OR1J2: variants seen among roughly 807,000 people sequenced by gnomAD.
OR1J2 encodes olfactory receptor 1J2.
For missense variants in OR1J2, 304 were observed against 246.1 expected (o/e 1.24, Z -1.57); for synonymous variants, 142 against 99.7 (o/e 1.42, Z -2.52).
the OR1J2 span, among the ~76,000 whole-genome samples, chr9:122,542,260 C>T: frequency 6.6e-6 from 1 of 152,046 alleles, no homozygotes; most frequent in African/African-American, 2.4e-5. Context: ...GGATTGCTTC[C>T]AATATTTTGG....
At chr9:122,451,152 C>CATTATT in the OR1J2 span, among the ~76,000 whole-genome samples, 2,297 of 137,544 alleles carry the variant, frequency 0.017, 26 homozygotes, top group East Asian at 0.038. Context: ...CTATCACCTG[C>CATTATT]ATTATTATTA....
the OR1J2 span, among the ~76,000 whole-genome samples, chr9:122,533,604 C>T: frequency 2.6e-5 from 4 of 151,972 alleles, no homozygotes; most frequent in Non-Finnish European, 4.4e-5. Flanking sequence ...TAAAGTGTCT[C>T]AGCCTAATAA....
chr9:122,577,257 A>G, the OR1J2 span, among the ~76,000 whole-genome samples: 1 of 152,198 alleles, frequency 6.6e-6, no homozygotes, highest in East Asian at 1.9e-4. Flanking sequence ...ATAAGCCCAT[A>G]TAGACATAGA....
At chr9:122,460,192 T>C in the OR1J2 span, among the ~76,000 whole-genome samples, 3 of 150,108 alleles carry the variant, frequency 2.0e-5, no homozygotes, top group Admixed American at 1.3e-4. Flanking sequence ...TATATATATA[T>C]ACACACACAC....
At chr9:122,483,766 A>T in the OR1J2 span, among the ~76,000 whole-genome samples, 1 of 152,236 alleles carries the variant, frequency 6.6e-6, no homozygotes, top group Non-Finnish European at 1.5e-5. Flanking sequence ...TGATAAGTAC[A>T]TTAGGTCATA....
At chr9:122,528,226 A>G in the OR1J2 span, among the ~76,000 whole-genome samples, 1 of 152,236 alleles carries the variant, frequency 6.6e-6, no homozygotes, top group Admixed American at 6.5e-5. Context: ...ATAGAACCTG[A>G]AAGATCACCT....
chr9:122,550,371 A>C, the OR1J2 span, among the ~76,000 whole-genome samples: 1 of 152,158 alleles, frequency 6.6e-6, no homozygotes, highest in Non-Finnish European at 1.5e-5. Flanking sequence ...AAAATCAATG[A>C]GGAAAGAATC....
chr9:122,507,646 A>C (rs754567259), upstream of OR1J2, among the ~76,000 whole-genome samples: 1 of 152,042 alleles, frequency 6.6e-6, no homozygotes, highest in Non-Finnish European at 1.5e-5. Flanking sequence ...TATGTGTTCT[A>C]TGTTTGTGCT....
At chr9:122,520,446 TC>T in the OR1J2 span, among the ~76,000 whole-genome samples, 1 of 152,208 alleles carries the variant, frequency 6.6e-6, no homozygotes, top group Non-Finnish European at 1.5e-5. Flanking sequence ...CTTTCTTTCT[TC>T]CCATTCAGTT....
chr9:122,482,438 A>G, the OR1J2 span, among the ~76,000 whole-genome samples: 1 of 152,196 alleles, frequency 6.6e-6, no homozygotes, highest in African/African-American at 2.4e-5. Context: ...TAAATTATAT[A>G]GTCATTTTGT....
downstream of OR1J2, among the ~76,000 whole-genome samples, chr9:122,514,520 A>G (rs1828674972): frequency 6.6e-6 from 1 of 152,192 alleles, no homozygotes; most frequent in African/African-American, 2.4e-5. Context: ...CCAGTGCACC[A>G]TTGATAAACA....
chr9:122,458,207 A>G, the OR1J2 span, among the ~76,000 whole-genome samples: 1 of 152,196 alleles, frequency 6.6e-6, no homozygotes, highest in African/African-American at 2.4e-5. Context: ...TTCTCTTAAA[A>G]TGTTATTCCC....
the OR1J2 span, among the ~76,000 whole-genome samples, chr9:122,486,822 G>T: frequency 3.3e-5 from 5 of 152,174 alleles, no homozygotes; most frequent in Non-Finnish European, 7.4e-5. Flanking sequence ...TCATCATGTC[G>T]TATTGCCTCC....
the OR1J2 span, among the ~76,000 whole-genome samples, chr9:122,559,875 G>A: frequency 6.6e-6 from 1 of 152,276 alleles, no homozygotes; most frequent in African/African-American, 2.4e-5. Context: ...TTCAAGTCCT[G>A]AATATCCTTG....
the OR1J2 span, among the ~76,000 whole-genome samples, chr9:122,501,595 G>T: frequency 6.6e-6 from 1 of 152,198 alleles, no homozygotes; most frequent in African/African-American, 2.4e-5. Flanking sequence ...CGAGAGAAAA[G>T]AAAGTAAGAT....
the OR1J2 span, among the ~76,000 whole-genome samples, chr9:122,452,069 A>G: frequency 3.3e-4 from 50 of 152,216 alleles, no homozygotes; most frequent in Middle Eastern, 6.8e-3. Context: ...TAGTAGAGAC[A>G]GGGTTTCACC....
At chr9:122,565,100 G>A in the OR1J2 span, among the ~76,000 whole-genome samples, 1 of 152,182 alleles carries the variant, frequency 6.6e-6, no homozygotes, top group Non-Finnish European at 1.5e-5. Flanking sequence ...CCCTTTTAAG[G>A]TGAAGGATAG....
the OR1J2 span, among the ~76,000 whole-genome samples, chr9:122,550,281 G>T: frequency 2.0e-5 from 3 of 151,996 alleles, no homozygotes; most frequent in Non-Finnish European, 4.4e-5. Flanking sequence ...ACAACAAAAA[G>T]CCCAGGATCA....
At chr9:122,474,354 C>T in the OR1J2 span, among the ~76,000 whole-genome samples, 1 of 152,170 alleles carries the variant, frequency 6.6e-6, no homozygotes, top group African/African-American at 2.4e-5. Context: ...TTCTGGCCTC[C>T]TTCTTGCTCA....
Sources: gnomAD v4.1 joint callset for allele counts (sites outside exome capture counted in the v4.1 genomes callset) on GRCh38, gnomAD v4.1.1 for gene constraint, MANE v1.5 for transcripts, NCBI Gene and HGNC (gene_info 2026-07-23, HGNC 2026-07-21) for gene names.